NRF1: variants seen among roughly 807,000 people sequenced by gnomAD.
The protein encoded by NRF1 is alpha palindromic-binding protein.
Under a neutral mutation model 58.5 loss-of-function variants are expected in NRF1, and 5 were observed. The ratio of observed to expected loss-of-function variants is 0.09; its 90% CI spans 0.04 to 0.18. NRF1 has a LOEUF of 0.18. Among genes scored for constraint, NRF1 ranks in the 10% least tolerant of loss-of-function variants. The pLI is 1.00. For synonymous variants in NRF1, 224 were observed against 246.7 expected (o/e 0.91, Z 0.86); for missense variants, 288 against 657.7 (o/e 0.44, Z 6.15).
At chr7:129,663,732 G>A (rs1025845605) in intron 2 of NRF1, among the ~76,000 whole-genome samples, 36 of 152,140 alleles carry the variant, frequency 2.4e-4, no homozygotes, top group Admixed American at 1.2e-3. Context: ...GGTGGCGGGC[G>A]GGCAGAGGCT....
intron 3 of NRF1, among the ~76,000 whole-genome samples, chr7:129,673,500 C>A (rs1023505706): frequency 1.3e-5 from 2 of 150,946 alleles, no homozygotes; most frequent in South Asian, 4.2e-4. Context: ...GAGGCCGAGG[C>A]GGGCGGATCA....
chr7:129,727,299 C>G lies in NRF1; in HGVS notation c.1282C>G (p.Gln428Glu). ...TGAGGCCACCTTACAAGGTGGGGGA[C>G]AGATCGTCTTGTCTGGGGAAACCGC... ...LAEATLQGGG[Q>E]IVLSGETAAA... Residue 428 changes from glutamine to glutamate, a missense_variant, in exon 10 of 11, where the codon CAG becomes GAG. Around this residue, in one of 3 missense-constraint regions of NRF1, gnomAD observed 212 missense variants for 559.7 expected, o/e 0.38. Transcript: ENST00000393232. 6.2e-7 allele frequency: 1 copy of G among 1,609,966 alleles called. No homozygotes were observed. The highest frequency in any genetic ancestry group is 8.5e-7 in the Non-Finnish European group (1 of 1,178,682).
chr7:129,662,383 A>AGTGTGTGTGTGT (rs3042950), intron 2 of NRF1, among the ~76,000 whole-genome samples: 28 of 145,744 alleles, frequency 1.9e-4, no homozygotes, highest in African/African-American at 5.0e-4. Flanking sequence ...TAGAATTTCT[A>AGTGTGTGTGTGT]GTGTGTGTGT....
chr7:129,657,465 G>A lies in NRF1; in HGVS notation c.114G>A (p.Leu38=), dbSNP rs1801684154. 6.2e-7 allele frequency: 1 copy of A among 1,614,044 alleles called. No individual in the cohort carries two copies. Among genetic ancestry groups the A allele is most frequent in the Non-Finnish European group, 8.5e-7 (1 of 1,179,988 alleles). Residue 38 remains leucine, a synonymous_variant, in exon 2 of 11, where the codon CTG becomes CTA. Transcript: ENST00000393232. ...CTACTTACACCGAGCATAGTATGCTGAGTGCTGATGAAGACTCGCCTTCTT... is the reference window on the plus strand; with the variant it reads ...CTACTTACACCGAGCATAGTATGCTAAGTGCTGATGAAGACTCGCCTTCTT... ...HVATYTEHSM[L]SADEDSPSSP...
intron 1 of NRF1, among the ~76,000 whole-genome samples, chr7:129,621,311 A>G (rs1053654379): frequency 3.9e-5 from 6 of 152,108 alleles, no homozygotes; most frequent in African/African-American, 1.2e-4. Context: ...ACTTTTATTT[A>G]TTTTACCAGT....
intron 2 of NRF1, among the ~76,000 whole-genome samples, chr7:129,662,909 G>A (rs926062554): frequency 1.3e-5 from 2 of 152,252 alleles, no homozygotes; most frequent in Non-Finnish European, 2.9e-5. Flanking sequence ...TGCGGCCTTC[G>A]GCCCTGTTTG....
rs867958627 is a variant in NRF1, at chr7:129,625,775, G to A, written c.-7+13951G>A. Among the ~76,000 whole-genome samples, 5 of 136,198 alleles carry A rather than the reference G, an allele frequency of 3.7e-5. No homozygotes were observed. In the East Asian group the frequency reaches 6.9e-4, roughly 19 times the overall value. 89.4% of individuals were successfully genotyped at this position (136,198 alleles called of 152,430 possible). A position where few individuals can be genotyped will look rare whatever the true frequency, so the allele number is the denominator to read the frequency against. ...CAGCTCACTGCAAGCTCTGCCTCCC[G>A]GGTTCACGCCATTCTCCTGCCTCAG... On this transcript the variant is annotated intron_variant, in intron 1 of 10. Transcript: ENST00000393232.
At chr7:129,658,249 A>G (rs545742550) in intron 2 of NRF1, among the ~76,000 whole-genome samples, 2 of 152,104 alleles carry the variant, frequency 1.3e-5, no homozygotes, top group East Asian at 3.9e-4. Context: ...ATAAGCTTTT[A>G]CTATTATCAA....
At chr7:129,674,936 C>A (rs1802142364) in intron 3 of NRF1, among the ~76,000 whole-genome samples, 1 of 152,158 alleles carries the variant, frequency 6.6e-6, no homozygotes, top group Non-Finnish European at 1.5e-5. Flanking sequence ...CTCTTCCTTT[C>A]CTGAACGATT....
chr7:129,702,945 GT>G (rs902774392), intron 5 of NRF1, among the ~76,000 whole-genome samples: 2 of 152,182 alleles, frequency 1.3e-5, no homozygotes, highest in African/African-American at 4.8e-5. Context: ...AGAGGAGAGG[GT>G]ATTTGGAGGA....
At chr7:129,721,374 T>C (rs2402978) in intron 9 of NRF1, among the ~76,000 whole-genome samples, 126,318 of 152,038 alleles carry the variant, frequency 0.83, 53,538 homozygotes, top group East Asian at 0.94. Flanking sequence ...TGGGGAAATA[T>C]TTAGATTAAT....
intron 10 of NRF1, among the ~76,000 whole-genome samples, chr7:129,749,337 T>G (rs902778048): frequency 1.3e-5 from 2 of 151,834 alleles, no homozygotes; most frequent in African/African-American, 4.8e-5. Flanking sequence ...GCTTTTGGCC[T>G]GAGCAACTAG....
intron 3 of NRF1, among the ~76,000 whole-genome samples, chr7:129,677,007 ATTTTTTT>A (rs56059756): frequency 4.7e-4 from 53 of 113,544 alleles, no homozygotes; most frequent in African/African-American, 1.7e-3. Context: ...TCTTGGTTGC[ATTTTTTT>A]TTTTTTTTTT....
chr7:129,627,803 A>G (rs1800953492), intron 1 of NRF1, among the ~76,000 whole-genome samples: 1 of 152,170 alleles, frequency 6.6e-6, no homozygotes, highest in Non-Finnish European at 1.5e-5. Context: ...GATTTAACAC[A>G]TTATCTTGGT....
chr7:129,653,431 A>C (rs923104420), intron 1 of NRF1, among the ~76,000 whole-genome samples: 1 of 152,216 alleles, frequency 6.6e-6, no homozygotes, highest in African/African-American at 2.4e-5. Context: ...GTTCCAATTG[A>C]TGAGCCCACA....
At chr7:129,625,417 GTC>G (rs974976651) in intron 1 of NRF1, among the ~76,000 whole-genome samples, 3 of 152,146 alleles carry the variant, frequency 2.0e-5, no homozygotes, top group African/African-American at 7.2e-5. Flanking sequence ...TTCTGTTAAT[GTC>G]ACTTACTAAG....
chr7:129,669,900 A>G (rs995645774), intron 2 of NRF1, among the ~76,000 whole-genome samples: 1 of 152,220 alleles, frequency 6.6e-6, no homozygotes, highest in African/African-American at 2.4e-5. Flanking sequence ...TCCCTTGTTC[A>G]TTGTTGTATT....
At chr7:129,643,997 G>A (rs1222359954) in intron 1 of NRF1, among the ~76,000 whole-genome samples, 1 of 152,288 alleles carries the variant, frequency 6.6e-6, no homozygotes, top group African/African-American at 2.4e-5. Context: ...GCTGCCTGCA[G>A]TGCCCTTTTT....
At chr7:129,661,947 G>T (rs568163425) in intron 2 of NRF1, among the ~76,000 whole-genome samples, 1 of 150,886 alleles carries the variant, frequency 6.6e-6, no homozygotes, top group East Asian at 1.9e-4. Flanking sequence ...TGTGGCTGGG[G>T]AGGCCTCACA....
Sources: gnomAD v4.1 joint callset for allele counts (sites outside exome capture counted in the v4.1 genomes callset) on GRCh38, gnomAD v4.1.1 for gene constraint, gnomAD v4.1.1 regional missense constraint, MANE v1.5 for transcripts, NCBI Gene and HGNC (gene_info 2026-07-23, HGNC 2026-07-21) for gene names.